Variants in BBS1 observed in about 807,000 individuals in gnomAD.
BBS1 encodes the protein BBSome complex member BBS1.
A neutral mutation model predicts 73.9 loss-of-function variants in BBS1; 60 were observed. That is an observed-to-expected ratio of 0.81 (90% CI 0.66 to 1.01). The LOEUF (loss-of-function observed/expected upper bound fraction) is 1.01, where lower values mean the gene tolerates loss of function less well. Among genes scored for constraint, BBS1 ranks in the 50% least tolerant of loss-of-function variants. The probability of loss-of-function intolerance (pLI) is 0.00; values close to 1 mark genes in which losing one functional copy is unlikely to be tolerated. For synonymous variants in BBS1, 283 were observed against 317.4 expected (o/e 0.89, Z 1.15); for missense variants, 718 against 770.3 (o/e 0.93, Z 0.80).
At chr11:66,524,923 G>A (rs554342441) in intron 11 of BBS1, among the ~76,000 whole-genome samples, 129 of 151,964 alleles carry the variant, frequency 8.5e-4, no homozygotes, top group African/African-American at 3.1e-3. Context: ...GGTATGGGCC[G>A]GGCACGGTGG....
At chr11:66,510,757 C>T (rs1315269980) in intron 1 of BBS1, 51 bp downstream of exon 1, 1 of 1,609,000 alleles carries the variant, frequency 6.2e-7, no homozygotes, top group African/African-American at 1.3e-5. Flanking sequence ...TAAAGAGGGT[C>T]CCTTGGTCCC....
At chr11:66,518,757 C>CTTTTTTT in intron 7 of BBS1, among the ~76,000 whole-genome samples, 1 of 131,624 alleles carries the variant, frequency 7.6e-6, no homozygotes. Flanking sequence ...CAGCCCTTTT[C>CTTTTTTT]TTTTTTTTTT....
chr11:66,523,411 GA>G, intron 9 of BBS1, 44 bp from the exon 10 acceptor site: 1 of 1,614,070 alleles, frequency 6.2e-7, no homozygotes, highest in Non-Finnish European at 8.5e-7. Flanking sequence ...CATAGAAGTG[GA>G]GAGGATTTCT....
chr11:66,523,563 G>T lies in BBS1; in HGVS notation c.938G>T (p.Gly313Val), dbSNP rs1280115378. The T allele has an allele frequency of 6.2e-7, 1 of 1,614,032 alleles. No individual in the cohort carries two copies. ...GGCAGCACCCAAGACAGCCTGCATGGCTTCACCCACAAGGTGCAGCCCCCA... is the reference window on the plus strand; with the variant it reads ...GGCAGCACCCAAGACAGCCTGCATGTCTTCACCCACAAGGTGCAGCCCCCA... ...VVGSTQDSLH[G>V]FTHKGKKLWT... Residue 313 changes from glycine to valine, a missense_variant, in exon 10 of 17, where the codon GGC (glycine) becomes GTC (valine). Coordinates refer to ENST00000318312, the MANE Select transcript of BBS1 (RefSeq NM_024649.5).
intron 4 of BBS1, 132 bp from the exon 5 acceptor site, chr11:66,515,408 C>CA (rs960664381): frequency 1.1e-6 from 1 of 928,636 alleles, no homozygotes; most frequent in African/African-American, 1.6e-5. Context: ...GCTTGGTGCT[C>CA]AGTGCAGAGG....
chr11:66,530,530 A>C (rs879396550), intron 14 of BBS1, among the ~76,000 whole-genome samples: 6 of 152,162 alleles, frequency 3.9e-5, no homozygotes, highest in Non-Finnish European at 8.8e-5. Flanking sequence ...ATAGATGCAG[A>C]GGAGGAAGAG....
At chr11:66,522,286 A>G (rs1167375285) in intron 9 of BBS1, among the ~76,000 whole-genome samples, 1 of 152,036 alleles carries the variant, frequency 6.6e-6, no homozygotes, top group Non-Finnish European at 1.5e-5. Flanking sequence ...TTTCTAGGGT[A>G]CATGACATGA....
At chr11:66,512,165 G>A (rs943545472) in intron 3 of BBS1, among the ~76,000 whole-genome samples, 1 of 151,570 alleles carries the variant, frequency 6.6e-6, no homozygotes, top group Non-Finnish European at 1.5e-5. Context: ...AAGAAAGGAA[G>A]TTAGCATGGA....
intron 11 of BBS1, among the ~76,000 whole-genome samples, chr11:66,525,148 C>T (rs1220796843): frequency 3.3e-5 from 5 of 149,314 alleles, no homozygotes; most frequent in African/African-American, 5.0e-5. Flanking sequence ...TGCAGTGAGC[C>T]GAGATCGCAC....
intron 14 of BBS1, 148 bp downstream of exon 14, chr11:66,530,100 C>A: frequency 1.7e-6 from 2 of 1,174,216 alleles, no homozygotes; most frequent in Non-Finnish European, 2.4e-6. Flanking sequence ...ACCTGGGGAC[C>A]GAGTCTCATG....
chr11:66,522,076 G>T (rs1328912690), intron 9 of BBS1, among the ~76,000 whole-genome samples: 10 of 151,052 alleles, frequency 6.6e-5, no homozygotes, highest in Non-Finnish European at 1.3e-4. Flanking sequence ...AATTAGCTGG[G>T]CATGGTGGTG....
At chr11:66,521,494 G>T in intron 9 of BBS1, 118 bp downstream of exon 9, 1 of 818,862 alleles carries the variant, frequency 1.2e-6, no homozygotes, top group Non-Finnish European at 2.0e-6. Context: ...AAAGAGCTGA[G>T]AACTTCATAA....
chr11:66,529,157 A>C, intron 13 of BBS1: 1 of 880,994 alleles, frequency 1.1e-6, no homozygotes, highest in South Asian at 5.6e-5. Context: ...TGGGGGACCG[A>C]GGTGCCCAGT....
chr11:66,516,284 C>G (rs1856048676), intron 7 of BBS1, among the ~76,000 whole-genome samples: 1 of 152,020 alleles, frequency 6.6e-6, no homozygotes, highest in African/African-American at 2.4e-5. Flanking sequence ...CACCAACACA[C>G]CCAGCTAATT....
chr11:66,523,020 A>AGGGAAACTAAAATTGAGAGGCC (rs1856309843), intron 9 of BBS1: 2 of 390,810 alleles, frequency 5.1e-6, no homozygotes, highest in Non-Finnish European at 5.0e-6. Context: ...CTTTCTGGAA[A>AGGGAAACTAAAATTGAGAGGCC]GGGAAACTAA....
chr11:66,514,021 G>A (rs1010677624), intron 3 of BBS1, among the ~76,000 whole-genome samples: 4 of 151,648 alleles, frequency 2.6e-5, no homozygotes, highest in African/African-American at 9.7e-5. Flanking sequence ...GCCCAGATAT[G>A]GGTGTCCCCG....
rs768596720 is a variant in BBS1, at chr11:66,515,909, C to G, written c.567C>G (p.His189Gln). The G allele has an allele frequency of 1.6e-5, 26 of 1,614,192 alleles. No individual in the cohort carries two copies. The East Asian group carries it at 4.9e-4, about 30-fold the overall frequency. The part of the protein sequence containing the change: ...LSEMEAFVNQ[H>Q]KSNSIKRQTV... ...AAATGGAGGCATTTGTAAACCAACA[C>G]AAGTCCAACTCCATCAAGCGGCAGG... Residue 189 changes from histidine (H) to glutamine (Q), a missense_variant, in exon 7 of 17, where the codon CAC becomes CAG. His to Gln is a conservative substitution (Grantham distance 24, BLOSUM62 0). Coordinates refer to ENST00000318312, the MANE Select transcript of BBS1 (RefSeq NM_024649.5).
chr11:66,510,702 G>A lies in BBS1; in HGVS notation c.43G>A (p.Glu15Lys), dbSNP rs761601575. 8 of 1,614,094 alleles carry A rather than the reference G, an allele frequency of 5.0e-6. No homozygotes were observed. The highest frequency in any genetic ancestry group is 4.4e-5 in the South Asian group (4 of 91,088). ...ATCGGATTCCGACGCCTGCGGAGCT[G>A]AGAGGTGAAGGCAGGGCTCCTCAAG... Reference protein sequence around the residue: ...SSSDSDACGAESNEANSKWLD... With the variant: ...SSSDSDACGAKSNEANSKWLD... The change falls in exon 1 of 17, where the codon GAG (glutamate) becomes AAG (lysine). Residue 15 changes from glutamate to lysine, a missense_variant. By Grantham distance (56) the Glu-to-Lys change is moderately conservative. Transcript: ENST00000318312.
chr11:66,525,092 C>CT (rs1402911058), intron 11 of BBS1, among the ~76,000 whole-genome samples: 31 of 151,874 alleles, frequency 2.0e-4, no homozygotes, highest in African/African-American at 7.5e-4. Flanking sequence ...CCCAGCTACT[C>CT]AGGAGGCTGA....
Sources: gnomAD v4.1 joint callset for allele counts (sites outside exome capture counted in the v4.1 genomes callset) on GRCh38, gnomAD v4.1.1 for gene constraint, MANE v1.5 for transcripts, NCBI Gene and HGNC (gene_info 2026-07-23, HGNC 2026-07-21) for gene names.